CRTC1: variants seen among roughly 807,000 people sequenced by gnomAD.
The protein encoded by CRTC1 is CREB-regulated transcription coactivator 1.
A neutral mutation model predicts 66.1 loss-of-function variants in CRTC1; 18 were observed. That is an observed-to-expected ratio of 0.27 (90% CI 0.19 to 0.40). The LOEUF (loss-of-function observed/expected upper bound fraction) is 0.40. Ranked by LOEUF, CRTC1 falls within the 10% of genes least tolerant of loss-of-function variation. The pLI, the probability that CRTC1 is intolerant of heterozygous loss-of-function variation, is 1.00. For missense variants in CRTC1, 669 were observed against 887.9 expected (o/e 0.75, Z 3.13); for synonymous variants, 416 against 398.8 (o/e 1.04, Z -0.51).
chr19:18,762,032 G>A (rs572429568), intron 8 of CRTC1, among the ~76,000 whole-genome samples: 1 of 152,288 alleles, frequency 6.6e-6, no homozygotes, highest in Middle Eastern at 3.4e-3. Context: ...CCAGGCAGGC[G>A]GCATCCACAC....
chr19:18,710,967 CT>C (rs2053378100), intron 1 of CRTC1, among the ~76,000 whole-genome samples: 1 of 152,198 alleles, frequency 6.6e-6, no homozygotes. Flanking sequence ...AGTCACCCCT[CT>C]TTCTTCACCC....
In CRTC1 at chr19:18,760,430, G is replaced by A. The variant is rs1008891709; in HGVS notation, c.886+202G>A. Among the ~76,000 whole-genome samples the A allele has an allele frequency of 6.6e-6, 1 of 152,158 alleles. No individual in the cohort carries two copies. The highest frequency in any genetic ancestry group is 2.4e-5 in the African/African-American group (1 of 41,430). On this transcript the variant is annotated intron_variant, in intron 8 of 13. Transcript: ENST00000321949. The surrounding 1 kb of genome is among the most constrained non-coding windows in gnomAD (Gnocchi z 6.2). ...GGGTACAGGCCTGGTGGAAAGGAGT[G>A]CCTGGTGCCCCCAGACACCAGACAG...
At chr19:18,766,124 CTTT>C (rs869180739) in intron 9 of CRTC1, among the ~76,000 whole-genome samples, 1 of 139,112 alleles carries the variant, frequency 7.2e-6, no homozygotes, top group African/African-American at 2.6e-5. Context: ...TTTTGTAATC[CTTT>C]TTTTTTTTTT....
chr19:18,725,208 G>A (rs2053720635), intron 1 of CRTC1, among the ~76,000 whole-genome samples: 1 of 152,144 alleles, frequency 6.6e-6, no homozygotes, highest in African/African-American at 2.4e-5. Context: ...TCATGGCAAT[G>A]CTGAGGGGGA....
chr19:18,723,151 G>C (rs1337989534), intron 1 of CRTC1, among the ~76,000 whole-genome samples: 4 of 152,130 alleles, frequency 2.6e-5, no homozygotes, highest in African/African-American at 9.7e-5. Context: ...ATGTTGGCCA[G>C]GCTGGTCTCA....
At position 18,759,998 on chromosome 19, in the gene CRTC1, C is replaced by T; in HGVS notation, c.666-10C>T. 6.6e-7 allele frequency: 1 copy of T among 1,523,122 alleles called. No homozygotes were observed. Among genetic ancestry groups the T allele is most frequent in the Non-Finnish European group, 8.9e-7 (1 of 1,122,094 alleles). 94.4% of individuals were successfully genotyped at this position (1,523,122 alleles called of 1,614,324 possible). On this transcript the variant is annotated splice_polypyrimidine_tract_variant and intron_variant, in intron 7 of 13. Transcript: ENST00000321949. ...AGCTCACCTCCTGCCTGCCTCTGGC[C>T]TTTTCCCAGCATCTTCCCGTCTGCC... is the stretch of plus-strand genomic sequence containing the variant.
At chr19:18,745,698 G>A in intron 2 of CRTC1, 125 bp from the exon 3 acceptor site, 1 of 1,241,024 alleles carries the variant, frequency 8.1e-7, no homozygotes, top group Non-Finnish European at 1.2e-6. Flanking sequence ...AGGCTGTGGA[G>A]CGATGGCCGA....
At chr19:18,687,276 G>A (rs988818943) in intron 1 of CRTC1, among the ~76,000 whole-genome samples, 3 of 151,948 alleles carry the variant, frequency 2.0e-5, no homozygotes, top group Admixed American at 6.6e-5. Context: ...CGGCCACCTC[G>A]GCCTCCCAAA....
chr19:18,711,321 C>T (rs10401407), intron 1 of CRTC1, among the ~76,000 whole-genome samples: 5,294 of 151,966 alleles, frequency 0.035, 329 homozygotes, highest in African/African-American at 0.12. Context: ...TTGGCCTTGG[C>T]GGCCCCGGGG....
At position 18,713,719 on chromosome 19, in the gene CRTC1, T is replaced by TA. The variant is rs796866908; in HGVS notation, c.127-29190dup. Among the ~76,000 whole-genome samples, 654 of 152,358 alleles carry TA rather than the reference T, an allele frequency of 4.3e-3. 6 individuals carry two copies. Among genetic ancestry groups the TA allele is most frequent in the African/African-American group, 0.014 (598 of 41,582 alleles). On this transcript the variant is annotated intron_variant, in intron 1 of 13. Coordinates refer to ENST00000321949, the MANE Select transcript of CRTC1 (RefSeq NM_015321.3). Reference sequence around the variant, plus strand: ...GATTCCTGCCCAGGTCCATTTGGAATATTCCACTTGCGCGTGAAGCAAAGG... The same window carrying TA: ...GATTCCTGCCCAGGTCCATTTGGAATAATTCCACTTGCGCGTGAAGCAAAGG...
intron 1 of CRTC1, among the ~76,000 whole-genome samples, chr19:18,727,431 A>T (rs1014544858): frequency 2.6e-5 from 4 of 151,280 alleles, no homozygotes; most frequent in African/African-American, 9.7e-5. Flanking sequence ...AATACAAAAA[A>T]TTAGTTGGGT....
At chr19:18,770,647 A>G (rs1254895467) in intron 10 of CRTC1, among the ~76,000 whole-genome samples, 1 of 151,658 alleles carries the variant, frequency 6.6e-6, no homozygotes, top group Non-Finnish European at 1.5e-5. Flanking sequence ...GTGTGCATGC[A>G]TGTGAATGTG....
chr19:18,703,890 G>A (rs891564200), intron 1 of CRTC1, among the ~76,000 whole-genome samples: 3 of 152,194 alleles, frequency 2.0e-5, no homozygotes, highest in African/African-American at 2.4e-5. Flanking sequence ...GAGCCACTGC[G>A]CCTGGCAACG....
chr19:18,710,055 C>T (rs912205927), intron 1 of CRTC1, among the ~76,000 whole-genome samples: 4 of 144,252 alleles, frequency 2.8e-5, no homozygotes, highest in East Asian at 2.4e-4. Context: ...GCTTCCTTGG[C>T]GAGCCACTGT....
intron 1 of CRTC1, among the ~76,000 whole-genome samples, chr19:18,698,295 A>ACTCAGCAGGCG (rs1234219519): frequency 6.8e-6 from 1 of 146,262 alleles, no homozygotes; most frequent in Non-Finnish European, 1.5e-5. Context: ...CACAGTGTGT[A>ACTCAGCAGGCG]CTCAGCAGGC....
chr19:18,781,731 T>C lies in CRTC1; in HGVS notation c.*4349T>C. 1 of 230,668 alleles carries C rather than the reference T, an allele frequency of 4.3e-6. No homozygotes were observed. Among genetic ancestry groups the C allele is most frequent in the East Asian group, 6.1e-5 (1 of 16,274 alleles). The allele number at this position is 230,668 out of a possible 1,614,324, so 14.3% of individuals were successfully genotyped here. A position where few individuals can be genotyped will look rare whatever the true frequency, so the allele number is the denominator to read the frequency against. On this transcript the variant is annotated 3_prime_UTR_variant, in exon 14 of 14. Coordinates refer to ENST00000321949, the MANE Select transcript of CRTC1 (RefSeq NM_015321.3). ...GGCCCCGGGCTCCTCCTGGGCAGGA[T>C]GGGGGGCAGGGGCTGGGCCTTGGGG... is the stretch of plus-strand genomic sequence containing the variant.
intron 1 of CRTC1, among the ~76,000 whole-genome samples, chr19:18,716,884 G>A (rs555698422): frequency 6.6e-6 from 1 of 152,244 alleles, no homozygotes; most frequent in African/African-American, 2.4e-5. Flanking sequence ...AGCCAGGTGG[G>A]GCATGGGGGG....
At position 18,760,522 on chromosome 19, in the gene CRTC1, G is replaced by GC. The variant is rs1417873265; in HGVS notation, c.886+295dup. Among the ~76,000 whole-genome samples, 4 of 151,978 alleles carry GC rather than the reference G, an allele frequency of 2.6e-5. No individual in the cohort carries two copies. Among genetic ancestry groups the GC allele is most frequent in the Non-Finnish European group, 4.4e-5 (3 of 67,944 alleles). On this transcript the variant is annotated intron_variant, in intron 8 of 13. Transcript: ENST00000321949. This position sits in a 1 kb window ranked among gnomAD's most constrained non-coding sequence, Gnocchi z 6.2. ...GGGAAGCCCTGGGAGTTTTAACGCA[G>GC]CTGGGGTGGGCCAGGCCTTCCCTCC...
chr19:18,692,332 G>A (rs2052862382), intron 1 of CRTC1, among the ~76,000 whole-genome samples: 1 of 152,168 alleles, frequency 6.6e-6, no homozygotes, highest in East Asian at 1.9e-4. Flanking sequence ...TCAGGCCCGG[G>A]GTTCCTTGCC....
Sources: gnomAD v4.1 joint callset for allele counts (sites outside exome capture counted in the v4.1 genomes callset) on GRCh38, gnomAD v4.1.1 for gene constraint, Gnocchi (gnomAD v3.1) non-coding constraint, MANE v1.5 for transcripts, NCBI Gene and HGNC (gene_info 2026-07-23, HGNC 2026-07-21) for gene names.